NKAIN2: variants seen among roughly 807,000 people sequenced by gnomAD.
NKAIN2 encodes sodium/potassium transporting ATPase interacting 2.
A neutral mutation model predicts 32.6 loss-of-function variants in NKAIN2; 14 were observed. The ratio of observed to expected loss-of-function variants is 0.43; its 90% CI spans 0.28 to 0.67. The LOEUF (loss-of-function observed/expected upper bound fraction) is 0.67, where lower values mean the gene tolerates loss of function less well. NKAIN2 is among the 30% of genes least tolerant of loss of function. NKAIN2 has a pLI of 0.17. For synonymous variants in NKAIN2, 80 were observed against 87.2 expected (o/e 0.92, Z 0.46); for missense variants, 198 against 258.3 (o/e 0.77, Z 1.60).
At chr6:124,707,101 T>C (rs1167492163) in intron 4 of NKAIN2, among the ~76,000 whole-genome samples, 3 of 151,698 alleles carry the variant, frequency 2.0e-5, no homozygotes, top group Non-Finnish European at 2.9e-5. Context: ...TTTGGTTTTT[T>C]GTTCTTGCGA....
chr6:124,527,007 T>C (rs1249329311), intron 3 of NKAIN2, among the ~76,000 whole-genome samples: 3 of 152,152 alleles, frequency 2.0e-5, no homozygotes, highest in Non-Finnish European at 4.4e-5. Flanking sequence ...AGTACCACAG[T>C]ACTTAACTAC....
chr6:124,384,249 T>C (rs1180790653), intron 3 of NKAIN2, among the ~76,000 whole-genome samples: 1 of 152,164 alleles, frequency 6.6e-6, no homozygotes, highest in East Asian at 1.9e-4. Flanking sequence ...CTATTGTTCT[T>C]ATCACCCGAT....
intron 1 of NKAIN2, among the ~76,000 whole-genome samples, chr6:124,024,278 G>A (rs146236795): frequency 2.0e-5 from 3 of 152,096 alleles, no homozygotes; most frequent in Admixed American, 2.0e-4. Flanking sequence ...AATGTTTAGT[G>A]GACATAATAT....
rs553887269 is a variant in NKAIN2, at chr6:124,052,256, A to T, written c.55-230749A>T. On this transcript the variant is annotated intron_variant, in intron 1 of 6. Transcript: ENST00000368417. ...TACGAAATTTATAAAAGACGTAGGA[A>T]GGATTGGAACCAAGCTTTTCTTATA... Among the ~76,000 whole-genome samples, 3 of 152,208 alleles carry T rather than the reference A, an allele frequency of 2.0e-5. No homozygotes were observed. In the South Asian group the frequency reaches 6.2e-4, roughly 32 times the overall value.
At chr6:124,273,254 G>A (rs968628853) in intron 1 of NKAIN2, among the ~76,000 whole-genome samples, 4 of 152,048 alleles carry the variant, frequency 2.6e-5, no homozygotes, top group African/African-American at 9.7e-5. Context: ...GACTTGGTGG[G>A]GTCGATTGGA....
intron 1 of NKAIN2, among the ~76,000 whole-genome samples, chr6:124,091,333 G>A (rs977475641): frequency 1.3e-5 from 2 of 151,846 alleles, no homozygotes; most frequent in Non-Finnish European, 2.9e-5. Context: ...ATGATGGCAA[G>A]AATCTTCTTT....
At chr6:124,649,749 G>A (rs1034690315) in intron 3 of NKAIN2, among the ~76,000 whole-genome samples, 1 of 152,122 alleles carries the variant, frequency 6.6e-6, no homozygotes, top group East Asian at 1.9e-4. Flanking sequence ...TTGAATCAGA[G>A]AATGTATAAA....
chr6:124,114,430 G>T (rs1014338150), intron 1 of NKAIN2, among the ~76,000 whole-genome samples: 2 of 152,006 alleles, frequency 1.3e-5, no homozygotes, highest in Non-Finnish European at 2.9e-5. Context: ...TCAGTATTAG[G>T]TGTGTTAATT....
intron 1 of NKAIN2, among the ~76,000 whole-genome samples, chr6:123,867,878 T>TG (rs1429625674): frequency 6.6e-6 from 1 of 150,898 alleles, no homozygotes; most frequent in African/African-American, 2.4e-5. Flanking sequence ...TTTTTTTTTT[T>TG]TTTTGTTTCA....
chr6:123,901,576 T>C (rs1372349780), intron 1 of NKAIN2, among the ~76,000 whole-genome samples: 2 of 152,208 alleles, frequency 1.3e-5, no homozygotes, highest in East Asian at 3.8e-4. Context: ...CAATGTTTCC[T>C]TATGGGTCAG....
At chr6:123,869,503 G>C (rs1324174206) in intron 1 of NKAIN2, among the ~76,000 whole-genome samples, 1 of 151,950 alleles carries the variant, frequency 6.6e-6, no homozygotes, top group East Asian at 1.9e-4. Context: ...CTGAGTTAGA[G>C]TTTGTTCACA....
At chr6:124,431,081 A>G (rs1775198888) in intron 3 of NKAIN2, among the ~76,000 whole-genome samples, 1 of 152,160 alleles carries the variant, frequency 6.6e-6, no homozygotes, top group Non-Finnish European at 1.5e-5. Flanking sequence ...TTTTAGAGAG[A>G]CTAATTCCTA....
At chr6:124,525,847 G>A (rs138245188) in intron 3 of NKAIN2, among the ~76,000 whole-genome samples, 15 of 152,220 alleles carry the variant, frequency 9.9e-5, no homozygotes, top group African/African-American at 2.9e-4. Context: ...AACCTGAGAA[G>A]CCTTTTAAAA....
At chr6:123,836,992 C>A (rs772478546) in intron 1 of NKAIN2, among the ~76,000 whole-genome samples, 1 of 152,116 alleles carries the variant, frequency 6.6e-6, no homozygotes, top group African/African-American at 2.4e-5. Flanking sequence ...AGAATATGCT[C>A]TGATGTTACA....
At chr6:124,464,160 G>T (rs892811551) in intron 3 of NKAIN2, among the ~76,000 whole-genome samples, 6 of 151,938 alleles carry the variant, frequency 3.9e-5, no homozygotes, top group Non-Finnish European at 7.4e-5. Context: ...AATAATTTTT[G>T]CATTTTTAGT....
chr6:124,370,029 G>A (rs1272546785), intron 3 of NKAIN2, among the ~76,000 whole-genome samples: 1 of 151,560 alleles, frequency 6.6e-6, no homozygotes, highest in East Asian at 1.9e-4. Context: ...CAAAGAAAGA[G>A]CAAACAAGTG....
chr6:123,943,536 T>C (rs749271815), intron 1 of NKAIN2, among the ~76,000 whole-genome samples: 8 of 152,060 alleles, frequency 5.3e-5, no homozygotes, highest in Non-Finnish European at 1.0e-4. Context: ...ACTATGCTTC[T>C]TAAAAGCAGC....
At chr6:124,015,948 A>G (rs1780551403) in intron 1 of NKAIN2, among the ~76,000 whole-genome samples, 1 of 152,126 alleles carries the variant, frequency 6.6e-6, no homozygotes, top group Non-Finnish European at 1.5e-5. Context: ...ACTCTCCCAC[A>G]TGTACAGTCA....
intron 3 of NKAIN2, among the ~76,000 whole-genome samples, chr6:124,436,172 G>A (rs1387648305): frequency 2.0e-5 from 3 of 152,130 alleles, no homozygotes; most frequent in Non-Finnish European, 4.4e-5. Flanking sequence ...ATGATATGCT[G>A]AGTATTGTAT....
Sources: gnomAD v4.1 joint callset for allele counts (sites outside exome capture counted in the v4.1 genomes callset) on GRCh38, gnomAD v4.1.1 for gene constraint, MANE v1.5 for transcripts, NCBI Gene and HGNC (gene_info 2026-07-23, HGNC 2026-07-21) for gene names.